Variants in MYO10 observed in about 807,000 individuals in gnomAD.
MYO10 encodes the protein myosin X, also known as unconventional myosin-X.
Under a neutral mutation model 257.3 loss-of-function variants are expected in MYO10, and 133 were observed. The observed-to-expected ratio is 0.52, with a 90% CI of 0.45 to 0.60. The LOEUF (loss-of-function observed/expected upper bound fraction) is 0.60. MYO10 is among the 20% of genes least tolerant of loss of function. The pLI, the probability that MYO10 is intolerant of heterozygous loss-of-function variation, is 0.00. For missense variants in MYO10, 2,399 were observed against 2,635.7 expected (o/e 0.91, Z 1.97); for synonymous variants, 1,104 against 1,028.6 (o/e 1.07, Z -1.40).
At position 16,673,742 on chromosome 5, in the gene MYO10, G is replaced by C; in HGVS notation, c.5112C>G (p.Val1704=). The C allele has an allele frequency of 6.2e-7, 1 of 1,613,972 alleles. No homozygotes were observed. Among genetic ancestry groups the C allele is most frequent in the Non-Finnish European group, 8.5e-7 (1 of 1,179,904 alleles). Residue 1704 remains valine (V), a synonymous_variant, in exon 36 of 41, where the codon GTC becomes GTG. Transcript: ENST00000513610. ...LIHRQEMTST[V]YCHGGGSCKI... is the part of the protein sequence containing the mutation. ...TGCAGGAGCCGCCGCCATGGCAATA[G>C]ACCGTGGATGTCATTTCCTGCCTGT... is the stretch of plus-strand genomic sequence containing the variant.
chr5:16,708,027 A>G (rs1276471807), intron 21 of MYO10, among the ~76,000 whole-genome samples: 3 of 152,224 alleles, frequency 2.0e-5, no homozygotes, highest in African/African-American at 4.8e-5. Flanking sequence ...CAACACACCA[A>G]AACACCTGCT....
rs1041204429 is a variant in MYO10 at position 16,669,220 on chromosome 5, T to C, written c.5884-752A>G. Among the ~76,000 whole-genome samples the C allele has an allele frequency of 3.7e-4, 11 of 29,838 alleles. No individual in the cohort carries two copies. The Middle Eastern group carries it at 0.057, about 155-fold the overall frequency. The allele number at this position is 29,838 out of a possible 152,430, so 19.6% of individuals were successfully genotyped here. On this transcript the variant is annotated intron_variant, in intron 39 of 40. Coordinates refer to ENST00000513610, the MANE Select transcript of MYO10 (RefSeq NM_012334.3). ...ATGCAAAAGCCAGTAGCTTTCTTTT[T>C]TCTTTTTTTTTTTGACGGAGTCTCA...
chr5:16,839,481 C>T (rs1427565824), intron 2 of MYO10, among the ~76,000 whole-genome samples: 1 of 152,174 alleles, frequency 6.6e-6, no homozygotes, highest in Non-Finnish European at 1.5e-5. Context: ...CAGTGGCTCA[C>T]ACCTGCAATT....
At chr5:16,813,594 G>C (rs78476011) in intron 3 of MYO10, among the ~76,000 whole-genome samples, 1 of 150,826 alleles carries the variant, frequency 6.6e-6, no homozygotes, top group Non-Finnish European at 1.5e-5. Context: ...AGGAGGACAC[G>C]TATGGTGGGC....
chr5:16,719,536 ATG>A (rs1199051847), intron 19 of MYO10, among the ~76,000 whole-genome samples: 1 of 152,246 alleles, frequency 6.6e-6, no homozygotes, highest in Non-Finnish European at 1.5e-5. Context: ...TTCTGAATAC[ATG>A]TTATAATTTA....
chr5:16,686,689 C>T (rs1737269921), intron 28 of MYO10, among the ~76,000 whole-genome samples: 1 of 151,054 alleles, frequency 6.6e-6, no homozygotes, highest in African/African-American at 2.4e-5. Flanking sequence ...CCATGCCCGG[C>T]TAATTTTTGG....
intron 4 of MYO10, among the ~76,000 whole-genome samples, chr5:16,788,986 G>A (rs1343693255): frequency 6.6e-6 from 1 of 152,148 alleles, no homozygotes; most frequent in Non-Finnish European, 1.5e-5. Context: ...GCAGAGAGGA[G>A]GGATCCATGA....
chr5:16,814,322 T>C (rs972145615), intron 3 of MYO10, among the ~76,000 whole-genome samples: 3 of 151,854 alleles, frequency 2.0e-5, no homozygotes, highest in Non-Finnish European at 4.4e-5. Flanking sequence ...TTTTGTACTT[T>C]TTTTTTTAGT....
intron 19 of MYO10, among the ~76,000 whole-genome samples, chr5:16,727,810 T>C (rs934654014): frequency 1.3e-5 from 2 of 149,730 alleles, no homozygotes; most frequent in African/African-American, 2.5e-5. Context: ...AGGACAGAGC[T>C]GTAATAAAGC....
Position 16,936,150 on chromosome 5 carries a change from T to G in MYO10, c.-342A>C. Reference sequence around the variant, plus strand: ...GTGCTGGCGAGCGCGGCCCCCTCCCTCTGCGCTCCGGCCGGGGGCCCTCGG... The same window carrying G: ...GTGCTGGCGAGCGCGGCCCCCTCCCGCTGCGCTCCGGCCGGGGGCCCTCGG... On this transcript the variant is annotated 5_prime_UTR_variant, in exon 1 of 41. Coordinates refer to ENST00000513610, the MANE Select transcript of MYO10 (RefSeq NM_012334.3). 1 of 336,746 alleles carries G rather than the reference T, an allele frequency of 3.0e-6. No individual in the cohort carries two copies. The highest frequency in any genetic ancestry group is 5.5e-6 in the Non-Finnish European group (1 of 182,782). 20.9% of individuals were successfully genotyped at this position (336,746 alleles called of 1,614,324 possible).
intron 2 of MYO10, among the ~76,000 whole-genome samples, chr5:16,863,334 T>C (rs1580087323): frequency 6.6e-6 from 1 of 151,772 alleles, no homozygotes; most frequent in African/African-American, 2.4e-5. Context: ...GGGGCTGGGG[T>C]GGGAAGGCAA....
chr5:16,797,132 C>T (rs253366), intron 3 of MYO10, among the ~76,000 whole-genome samples: 80,526 of 151,644 alleles, frequency 0.53, 21,552 homozygotes, highest in South Asian at 0.66. Flanking sequence ...TTTTCAAATG[C>T]AAATAAGTCC....
At chr5:16,681,121 C>T (rs913176423) in intron 32 of MYO10, among the ~76,000 whole-genome samples, 188 bp downstream of exon 32, 23 of 152,192 alleles carry the variant, frequency 1.5e-4, no homozygotes, top group African/African-American at 5.5e-4. Context: ...CATGAATCGA[C>T]CTCTAGTACG....
At chr5:16,786,882 T>A (rs77917139) in intron 4 of MYO10, among the ~76,000 whole-genome samples, 181 of 12,652 alleles carry the variant, frequency 0.014, 1 homozygote, top group Middle Eastern at 0.083. Flanking sequence ...AAAAAAAAAA[T>A]TTTTGGCCGG....
intron 19 of MYO10, among the ~76,000 whole-genome samples, chr5:16,723,372 A>C (rs1447473772): frequency 6.6e-6 from 1 of 152,126 alleles, no homozygotes; most frequent in Non-Finnish European, 1.5e-5. Context: ...TGGGTGACAG[A>C]GCGAGACTCT....
chr5:16,822,673 CT>C (rs903417780), intron 2 of MYO10, among the ~76,000 whole-genome samples: 1 of 144,936 alleles, frequency 6.9e-6, no homozygotes, highest in Non-Finnish European at 1.5e-5. Context: ...ATTTTTTTTT[CT>C]TTTTTATTTA....
intron 18 of MYO10, among the ~76,000 whole-genome samples, chr5:16,756,988 G>A (rs551807704): frequency 1.1e-4 from 17 of 151,850 alleles, no homozygotes; most frequent in East Asian, 9.7e-4. Flanking sequence ...GCGTAATGGC[G>A]CATGCCTCTA....
intron 4 of MYO10, among the ~76,000 whole-genome samples, chr5:16,791,658 A>C (rs1741762874): frequency 6.6e-6 from 1 of 151,998 alleles, no homozygotes; most frequent in Admixed American, 6.6e-5. Context: ...CATTTTTTCC[A>C]CTGAATGTAA....
chr5:16,856,825 C>A (rs1446874779), intron 2 of MYO10, among the ~76,000 whole-genome samples: 2 of 152,170 alleles, frequency 1.3e-5, no homozygotes, highest in East Asian at 3.9e-4. Context: ...AGGGCCTCCC[C>A]TTGCCTCAGC....
Sources: allele counts gnomAD v4.1 joint callset (sites outside exome capture counted in the v4.1 genomes callset), GRCh38; gene constraint gnomAD v4.1.1; transcripts MANE v1.5; gene names NCBI Gene and HGNC (gene_info 2026-07-23, HGNC 2026-07-21).